Variants in NRXN3 observed in about 807,000 individuals in gnomAD.
NRXN3 encodes neurexin 3.
NRXN3 carries 32 observed loss-of-function variants against 137.6 expected under a neutral mutation model. That is an observed-to-expected ratio of 0.23 (90% confidence interval 0.18 to 0.31). The LOEUF (loss-of-function observed/expected upper bound fraction) is 0.31. Among genes scored for constraint, NRXN3 ranks in the 10% least tolerant of loss-of-function variants. The pLI, the probability that NRXN3 is intolerant of heterozygous loss-of-function variation, is 1.00. For synonymous variants in NRXN3, 798 were observed against 784.5 expected (o/e 1.02, Z -0.29); for missense variants, 1,574 against 2,062.5 (o/e 0.76, Z 4.59).
At chr14:78,213,432 G>A (rs2062940192) in intron 1 of NRXN3, among the ~76,000 whole-genome samples, 1 of 152,128 alleles carries the variant, frequency 6.6e-6, no homozygotes, top group Non-Finnish European at 1.5e-5. Context: ...AGACCTTGAT[G>A]CACACCTGAC....
intron 8 of NRXN3, among the ~76,000 whole-genome samples, chr14:78,748,293 G>A (rs10151763): frequency 0.15 from 22,571 of 152,062 alleles, 1,924 homozygotes; most frequent in South Asian, 0.26. Flanking sequence ...GCCATGGGAA[G>A]GGGATAGAAT....
rs189120389 is a variant in NRXN3 at position 79,595,908 on chromosome 14, A to G, written c.3445-67870A>G. 1.2e-4 allele frequency among the ~76,000 whole-genome samples: 19 copies of G among 152,278 alleles called. No homozygotes were observed. In the East Asian group the frequency reaches 3.3e-3, roughly 26 times the overall value. ...TGAAATATGTAGCAATTATTTCTCT[A>G]TGGCTTCATAAAGAAAATGTCAATC... On this transcript the variant is annotated intron_variant, in intron 16 of 20. Transcript: ENST00000335750.
intron 16 of NRXN3, among the ~76,000 whole-genome samples, chr14:79,497,599 G>A (rs183668069): frequency 6.6e-6 from 1 of 152,162 alleles, no homozygotes; most frequent in Admixed American, 6.5e-5. Context: ...TTGTTGGTTT[G>A]TGTGTCTGCC....
intron 1 of NRXN3, among the ~76,000 whole-genome samples, chr14:78,193,297 C>T (rs556144331): frequency 6.6e-6 from 1 of 152,126 alleles, no homozygotes; most frequent in Non-Finnish European, 1.5e-5. Context: ...TTTAGGATTG[C>T]ATAAAGTCAC....
At chr14:79,468,373 CAA>C (rs1188994025) in intron 16 of NRXN3, among the ~76,000 whole-genome samples, 1 of 152,074 alleles carries the variant, frequency 6.6e-6, no homozygotes, top group Non-Finnish European at 1.5e-5. Context: ...TCTCCAAGAG[CAA>C]AGAGAGGAAT....
At chr14:78,349,594 G>A (rs1460987068) in intron 4 of NRXN3, among the ~76,000 whole-genome samples, 1 of 152,066 alleles carries the variant, frequency 6.6e-6, no homozygotes, top group East Asian at 1.9e-4. Context: ...AATTACATGC[G>A]GTCTAGTTAT....
At chr14:79,285,744 C>T (rs890353087) in intron 15 of NRXN3, among the ~76,000 whole-genome samples, 57 of 152,158 alleles carry the variant, frequency 3.7e-4, no homozygotes, top group African/African-American at 1.3e-3. Flanking sequence ...TCTTTAAAGG[C>T]CCTGTCCTCA....
intron 13 of NRXN3, 49 bp from the exon 14 acceptor site, chr14:78,968,124 T>G (rs1567851808): frequency 8.7e-7 from 1 of 1,143,598 alleles, no homozygotes; most frequent in Admixed American, 2.5e-5. Flanking sequence ...GTTGACATGG[T>G]CACCACATCC....
chr14:79,113,228 A>ACTAGACC (rs1272534902), intron 15 of NRXN3, among the ~76,000 whole-genome samples: 2 of 152,186 alleles, frequency 1.3e-5, no homozygotes, highest in Non-Finnish European at 2.9e-5. Flanking sequence ...GAATCATTGT[A>ACTAGACC]CTAGACCAAG....
At chr14:78,642,627 T>C (rs17107993) in intron 4 of NRXN3, among the ~76,000 whole-genome samples, 2,919 of 152,298 alleles carry the variant, frequency 0.019, 100 homozygotes, top group East Asian at 0.18. Flanking sequence ...TGGACATCCA[T>C]GTCTGTAGAA....
intron 15 of NRXN3, among the ~76,000 whole-genome samples, chr14:78,993,388 C>T (rs2099522914): frequency 1.3e-5 from 2 of 152,108 alleles, no homozygotes; most frequent in Middle Eastern, 6.8e-3. Flanking sequence ...TGTTAAAAAC[C>T]TATGTTGTTA....
chr14:79,130,315 A>G (rs1190389526), intron 15 of NRXN3, among the ~76,000 whole-genome samples: 2 of 152,082 alleles, frequency 1.3e-5, no homozygotes, highest in African/African-American at 4.8e-5. Context: ...AGCGGCTGGT[A>G]TCAGTTGTTC....
At chr14:78,969,623 CATTTAT>C (rs1567856425) in intron 14 of NRXN3, among the ~76,000 whole-genome samples, 1 of 152,156 alleles carries the variant, frequency 6.6e-6, no homozygotes, top group Non-Finnish European at 1.5e-5. Context: ...GTAAAGCACA[CATTTAT>C]AAAAGCTTCC....
chr14:78,381,921 T>C (rs956748449), intron 4 of NRXN3, among the ~76,000 whole-genome samples: 4 of 152,192 alleles, frequency 2.6e-5, no homozygotes, highest in Non-Finnish European at 1.5e-5. Flanking sequence ...GTTTCCACTG[T>C]CTAGGCCTGG....
chr14:78,962,124 A>G (rs2099409296), intron 11 of NRXN3, among the ~76,000 whole-genome samples: 1 of 152,136 alleles, frequency 6.6e-6, no homozygotes, highest in Admixed American at 6.6e-5. Context: ...CTTTTTTCCA[A>G]AGACAGTTCA....
chr14:79,149,234 G>T (rs1487272433), intron 15 of NRXN3, among the ~76,000 whole-genome samples: 3 of 152,048 alleles, frequency 2.0e-5, no homozygotes, highest in Non-Finnish European at 2.9e-5. Flanking sequence ...CCAAAGGTCA[G>T]ATCTTCACGT....
In NRXN3 at chr14:78,433,911, GACTT is replaced by G. The variant is rs2093974800; in HGVS notation, c.757+136054_757+136057del. ...TGAAGTGAAGTTACTGATGCTCCTT[GACTT>G]ACAACGAGGTGATGTCCTGACAAAC... On this transcript the variant is annotated intron_variant, in intron 4 of 20. Coordinates refer to ENST00000335750, the MANE Select transcript of NRXN3 (RefSeq NM_001330195.2). Among the ~76,000 whole-genome samples the G allele has an allele frequency of 2.6e-5, 4 of 152,234 alleles. No homozygotes were observed. In the Middle Eastern group the frequency reaches 0.01, roughly 388 times the overall value.
intron 6 of NRXN3, among the ~76,000 whole-genome samples, chr14:78,692,525 A>G (rs2098181468): frequency 6.6e-6 from 1 of 152,174 alleles, no homozygotes; most frequent in Admixed American, 6.5e-5. Context: ...CATAACAGCA[A>G]GTGGTTGAAT....
At chr14:78,220,368 G>A (rs1249034546) in intron 1 of NRXN3, among the ~76,000 whole-genome samples, 2 of 151,980 alleles carry the variant, frequency 1.3e-5, no homozygotes, top group South Asian at 2.1e-4. Flanking sequence ...GGAGGCACCC[G>A]AACATGCCAG....
Sources: gnomAD v4.1 joint callset for allele counts (sites outside exome capture counted in the v4.1 genomes callset) on GRCh38, gnomAD v4.1.1 for gene constraint, MANE v1.5 for transcripts, NCBI Gene and HGNC (gene_info 2026-07-23, HGNC 2026-07-21) for gene names.